Variants in RBFOX2 observed in about 807,000 individuals in gnomAD.
RBFOX2 encodes RNA binding fox-1 homolog 2.
A neutral mutation model predicts 49.1 loss-of-function variants in RBFOX2; 10 were observed. The ratio of observed to expected loss-of-function variants is 0.20; its 90% CI spans 0.13 to 0.35. The LOEUF is 0.35. Among genes scored for constraint, RBFOX2 ranks in the 10% least tolerant of loss-of-function variants. The probability of loss-of-function intolerance (pLI) is 1.00; values close to 1 mark genes in which losing one functional copy is unlikely to be tolerated. For synonymous variants in RBFOX2, 183 were observed against 187.4 expected (o/e 0.98, Z 0.19); for missense variants, 323 against 486.9 (o/e 0.66, Z 3.17).
At chr22:35,858,790 C>T (rs190408485) in intron 1 of RBFOX2, among the ~76,000 whole-genome samples, 50 of 144,066 alleles carry the variant, frequency 3.5e-4, no homozygotes, top group African/African-American at 1.3e-3. Context: ...CGTGCCACTG[C>T]ACTCCAGCCT....
intron 2 of RBFOX2, among the ~76,000 whole-genome samples, chr22:35,808,120 C>G (rs1253458335): frequency 2.0e-5 from 3 of 151,986 alleles, no homozygotes; most frequent in African/African-American, 4.8e-5. Context: ...TTTATTTCTT[C>G]TTTTTCACTT....
At chr22:35,843,403 C>T (rs1455528812), upstream of RBFOX2, among the ~76,000 whole-genome samples, 1 of 152,070 alleles carries the variant, frequency 6.6e-6, no homozygotes, top group Non-Finnish European at 1.5e-5. Flanking sequence ...ATTAAATAAA[C>T]AAATGAAGGA....
upstream of RBFOX2, among the ~76,000 whole-genome samples, chr22:35,963,226 C>A (rs1007760351): frequency 2.0e-5 from 3 of 152,104 alleles, no homozygotes; most frequent in Non-Finnish European, 4.4e-5. Flanking sequence ...AGCTTTATAA[C>A]TGTTGTGGAA....
At chr22:35,859,102 CA>C (rs2042845597) in intron 1 of RBFOX2, among the ~76,000 whole-genome samples, 1 of 152,074 alleles carries the variant, frequency 6.6e-6, no homozygotes, top group South Asian at 2.1e-4. Context: ...ACCAAAATAC[CA>C]TTCGATAAAT....
intron 1 of RBFOX2, among the ~76,000 whole-genome samples, chr22:36,017,588 A>G (rs746584810): frequency 2.0e-5 from 3 of 152,186 alleles, no homozygotes; most frequent in Non-Finnish European, 4.4e-5. Context: ...ACTGGTTGAG[A>G]AGAGAAAGGT....
At chr22:35,788,267 C>T (rs965403485) in intron 2 of RBFOX2, among the ~76,000 whole-genome samples, 2 of 152,142 alleles carry the variant, frequency 1.3e-5, no homozygotes, top group Non-Finnish European at 2.9e-5. Flanking sequence ...GTATAACTTT[C>T]CAAGTCTATC....
At chr22:36,019,286 T>C (rs764197042) in intron 1 of RBFOX2, among the ~76,000 whole-genome samples, 16 of 152,272 alleles carry the variant, frequency 1.1e-4, no homozygotes, top group Middle Eastern at 3.4e-3. Context: ...GAGACCACAA[T>C]GACCCAGTTC....
At chr22:36,005,338 C>T (rs1055510838) in intron 1 of RBFOX2, among the ~76,000 whole-genome samples, 1 of 152,134 alleles carries the variant, frequency 6.6e-6, no homozygotes, top group Non-Finnish European at 1.5e-5. Context: ...ATATAAACTC[C>T]AATGATAAAT....
At chr22:36,020,912 T>C (rs1202134239) in intron 1 of RBFOX2, among the ~76,000 whole-genome samples, 1 of 152,132 alleles carries the variant, frequency 6.6e-6, no homozygotes, top group Non-Finnish European at 1.5e-5. Context: ...ATCCAAAGGA[T>C]TATAAATCAT....
chr22:35,891,870 CA>C (rs1450684422), intron 1 of RBFOX2, among the ~76,000 whole-genome samples: 2 of 148,862 alleles, frequency 1.3e-5, no homozygotes, highest in Non-Finnish European at 3.0e-5. Flanking sequence ...AAAAAGTTTA[CA>C]ACAAATAATG....
chr22:35,936,801 T>C (rs2053126476), intron 1 of RBFOX2, among the ~76,000 whole-genome samples: 1 of 152,308 alleles, frequency 6.6e-6, no homozygotes, highest in Admixed American at 6.5e-5. Context: ...AATAAATTCC[T>C]ATTAACTCCT....
At chr22:35,954,804 T>A (rs529745997) in intron 1 of RBFOX2, among the ~76,000 whole-genome samples, 1 of 152,094 alleles carries the variant, frequency 6.6e-6, no homozygotes, top group Non-Finnish European at 1.5e-5. Context: ...GAAAGAGGCA[T>A]GTAAACAAAT....
At chr22:36,008,637 T>A (rs1198251008) in intron 1 of RBFOX2, among the ~76,000 whole-genome samples, 1 of 151,976 alleles carries the variant, frequency 6.6e-6, no homozygotes, top group African/African-American at 2.4e-5. Context: ...GCCAACACAG[T>A]GAAACCCCAC....
intron 1 of RBFOX2, among the ~76,000 whole-genome samples, chr22:35,896,298 C>T (rs2047833353): frequency 6.6e-6 from 1 of 152,202 alleles, no homozygotes; most frequent in African/African-American, 2.4e-5. Context: ...TAGTACCTAG[C>T]ACACAGTAGG....
chr22:35,803,590 T>C (rs1015229244), intron 2 of RBFOX2, among the ~76,000 whole-genome samples: 1 of 152,104 alleles, frequency 6.6e-6, no homozygotes, highest in Non-Finnish European at 1.5e-5. Flanking sequence ...GGCAGGAAGA[T>C]CACTTGCGCC....
chr22:35,875,520 T>G (rs528094500), intron 1 of RBFOX2, among the ~76,000 whole-genome samples: 14 of 152,092 alleles, frequency 9.2e-5, no homozygotes, highest in Non-Finnish European at 1.6e-4. Flanking sequence ...GCGGTCAGAA[T>G]CGATTCTGTA....
chr22:35,866,324 C>A (rs1016040644), intron 1 of RBFOX2, among the ~76,000 whole-genome samples: 4 of 152,064 alleles, frequency 2.6e-5, no homozygotes, highest in Non-Finnish European at 4.4e-5. Context: ...ATAATATATA[C>A]GCCATTTTTT....
At chr22:35,763,401 A>G (rs1254891364) in intron 6 of RBFOX2, among the ~76,000 whole-genome samples, 1 of 152,018 alleles carries the variant, frequency 6.6e-6, no homozygotes, top group African/African-American at 2.4e-5. Flanking sequence ...GTCTCTACTA[A>G]AAATACAAAA....
At position 35,768,161 on chromosome 22, in the gene RBFOX2, A is replaced by G. The variant is rs1004854073; in HGVS notation, c.546+96T>C. On this transcript the variant is annotated intron_variant, in intron 5 of 11. Coordinates refer to ENST00000405409, the Ensembl canonical transcript of RBFOX2. Reference sequence around the variant, plus strand: ...AACACACATACATGTGCACACGCACACATAAGACAGGGTTCCAAATGTGAA... The same window carrying G: ...AACACACATACATGTGCACACGCACGCATAAGACAGGGTTCCAAATGTGAA... The G allele has an allele frequency of 2.3e-5, 30 of 1,329,224 alleles. No homozygotes were observed. In the African/African-American group the frequency reaches 4.2e-4, roughly 19 times the overall value. 82.3% of individuals were successfully genotyped at this position (1,329,224 alleles called of 1,614,324 possible). A position where few individuals can be genotyped will look rare whatever the true frequency, so the allele number is the denominator to read the frequency against.
Sources: allele counts gnomAD v4.1 joint callset (sites outside exome capture counted in the v4.1 genomes callset), GRCh38; gene constraint gnomAD v4.1.1; transcripts MANE v1.5; gene names NCBI Gene and HGNC (gene_info 2026-07-23, HGNC 2026-07-21).